The following TRAF3 variants were observed in gnomAD, a reference collection of about 807,000 sequenced individuals.
TRAF3 encodes TNF receptor associated factor 3.
In TRAF3, 13 loss-of-function variants were observed where a neutral mutation model predicts 62.3. That is an observed-to-expected ratio of 0.21 (90% CI 0.14 to 0.33). The LOEUF (loss-of-function observed/expected upper bound fraction) is 0.33, where lower values mean the gene tolerates loss of function less well. Ranked by LOEUF, TRAF3 falls within the 10% of genes least tolerant of loss-of-function variation. TRAF3 has a pLI of 1.00. For synonymous variants in TRAF3, 269 were observed against 283.4 expected (o/e 0.95, Z 0.51); for missense variants, 440 against 741.8 (o/e 0.59, Z 4.73).
rs377561001 is a variant in TRAF3, at chr14:102,787,712, C to T, written c.-157+10037C>T. Among the ~76,000 whole-genome samples, 45 of 151,686 alleles carry T rather than the reference C, an allele frequency of 3.0e-4. No individual in the cohort carries two copies. In the East Asian group the frequency reaches 3.1e-3, roughly 10 times the overall value. On this transcript the variant is annotated intron_variant, in intron 1 of 11. Coordinates refer to ENST00000392745, the MANE Select transcript of TRAF3 (RefSeq NM_145725.3). ...AACAACAAAAACAACAACAACACTT[C>T]GATTTATTCAGGCCTCTGTTCACAT...
At chr14:102,865,933 A>G (rs1280554543) in intron 2 of TRAF3, 1 of 152,282 alleles carries the variant, frequency 6.6e-6, no homozygotes, top group Non-Finnish European at 1.5e-5. Flanking sequence ...CAAGGATGAC[A>G]TGCAAATTCA....
intron 2 of TRAF3, among the ~76,000 whole-genome samples, chr14:102,868,074 C>G (rs1225645400): frequency 6.6e-6 from 1 of 152,192 alleles, no homozygotes; most frequent in Non-Finnish European, 1.5e-5. Context: ...GCAACTACCT[C>G]CCCAGGATGC....
intron 2 of TRAF3, among the ~76,000 whole-genome samples, chr14:102,864,154 T>C (rs1595372985): frequency 2.0e-5 from 3 of 150,208 alleles, no homozygotes; most frequent in African/African-American, 2.5e-5. Context: ...TTTCTTTTTT[T>C]TTTTTTTTTT....
chr14:102,845,996 A>C (rs1278713775), intron 2 of TRAF3, among the ~76,000 whole-genome samples: 276 of 148,940 alleles, frequency 1.9e-3, no homozygotes, highest in African/African-American at 6.6e-3. Context: ...AAAAAAAAAA[A>C]AAAAAAAAAA....
intron 1 of TRAF3, among the ~76,000 whole-genome samples, chr14:102,813,709 C>T (rs537875930): frequency 6.5e-4 from 99 of 152,230 alleles, no homozygotes; most frequent in African/African-American, 2.3e-3. Context: ...CCTCGGCCTC[C>T]CAAAGTGCCA....
At chr14:102,884,949 G>A (rs574081324) in intron 6 of TRAF3, among the ~76,000 whole-genome samples, 7 of 152,230 alleles carry the variant, frequency 4.6e-5, no homozygotes, top group African/African-American at 1.7e-4. Flanking sequence ...ATGTGGAAAC[G>A]TGCATCCCCT....
At chr14:102,891,221 T>C in intron 8 of TRAF3, 104 bp from the exon 9 acceptor site, 1 of 1,061,698 alleles carries the variant, frequency 9.4e-7, no homozygotes. Flanking sequence ...CAAATAGGTC[T>C]CCCCTCTTTG....
At chr14:102,824,577 CT>C (rs1176169520) in intron 1 of TRAF3, among the ~76,000 whole-genome samples, 2 of 152,198 alleles carry the variant, frequency 1.3e-5, no homozygotes, top group African/African-American at 4.8e-5. Context: ...ACTGAGTTGC[CT>C]GTTTTTGAAG....
rs754876308 is a variant in TRAF3, at chr14:102,891,430, C to G, written c.819+13C>G. Reference sequence around the variant, plus strand: ...GCTCGAAAAGAAGGTGGGCTGCACACTTTCCTGCTGCTATGGGATTTGTAT... The same window carrying G: ...GCTCGAAAAGAAGGTGGGCTGCACAGTTTCCTGCTGCTATGGGATTTGTAT... On this transcript the variant is annotated intron_variant, in intron 9 of 11. Transcript: ENST00000392745. The G allele has an allele frequency of 1.2e-6, 2 of 1,605,240 alleles. No homozygotes were observed. The highest frequency in any genetic ancestry group is 2.3e-5 in the East Asian group (1 of 44,442).
intron 2 of TRAF3, among the ~76,000 whole-genome samples, chr14:102,844,221 T>C (rs1180206986): frequency 1.3e-5 from 2 of 152,242 alleles, no homozygotes; most frequent in Non-Finnish European, 2.9e-5. Flanking sequence ...AGTATGTGAT[T>C]GTATCAATGA....
chr14:102,890,516 G>C (rs1659327210), intron 8 of TRAF3, among the ~76,000 whole-genome samples: 1 of 152,058 alleles, frequency 6.6e-6, no homozygotes, highest in African/African-American at 2.4e-5. Flanking sequence ...CATTCTCTCT[G>C]TGTATGTGTA....
At chr14:102,804,898 ATCTT>A (rs1229463955) in intron 1 of TRAF3, among the ~76,000 whole-genome samples, 1 of 152,190 alleles carries the variant, frequency 6.6e-6, no homozygotes, top group African/African-American at 2.4e-5. Flanking sequence ...ACTTCTAAAA[ATCTT>A]TCTGTGCACC....
At chr14:102,797,986 C>T (rs7145284) in intron 1 of TRAF3, among the ~76,000 whole-genome samples, 30,591 of 152,024 alleles carry the variant, frequency 0.2, 3,395 homozygotes, top group East Asian at 0.38. Flanking sequence ...ATCTACCTGC[C>T]TCGGCCTCTC....
At chr14:102,799,677 T>C (rs1347087871) in intron 1 of TRAF3, among the ~76,000 whole-genome samples, 1 of 152,186 alleles carries the variant, frequency 6.6e-6, no homozygotes, top group Admixed American at 6.5e-5. Context: ...TCTTGAACTC[T>C]TGCCCTCAAA....
In TRAF3 at chr14:102,907,973, C is replaced by T. The variant is rs1302203102; in HGVS notation, c.*2189C>T. The stretch of plus-strand genomic sequence containing the variant: ...CCTCGAAGGTGTCCCCCACCTGAGG[C>T]CTGTCCCCTACCTGCCCTCAGGTAG... On this transcript the variant is annotated 3_prime_UTR_variant, in exon 12 of 12. Coordinates refer to ENST00000392745, the MANE Select transcript of TRAF3 (RefSeq NM_145725.3). The T allele has an allele frequency of 6.6e-6, 1 of 152,234 alleles. No homozygotes were observed. The highest frequency in any genetic ancestry group is 1.5e-5 in the Non-Finnish European group (1 of 68,028). 9.4% of individuals were successfully genotyped at this position (152,234 alleles called of 1,614,324 possible). A position where few individuals can be genotyped will look rare whatever the true frequency, so the allele number is the denominator to read the frequency against.
intron 11 of TRAF3, among the ~76,000 whole-genome samples, chr14:102,904,626 C>T (rs530946799): frequency 2.2e-3 from 335 of 151,612 alleles, no homozygotes; most frequent in African/African-American, 7.7e-3. Context: ...CTGGCTAACA[C>T]GGTGAAACCC....
At chr14:102,881,868 C>T (rs1889089709) in intron 6 of TRAF3, among the ~76,000 whole-genome samples, 2 of 152,142 alleles carry the variant, frequency 1.3e-5, no homozygotes, top group Admixed American at 1.3e-4. Flanking sequence ...GTCTGTTAAA[C>T]ACCATATAAG....
chr14:102,822,688 A>C (rs1202835909), intron 1 of TRAF3, among the ~76,000 whole-genome samples: 1 of 152,212 alleles, frequency 6.6e-6, no homozygotes, highest in African/African-American at 2.4e-5. Context: ...GTGAGTCGAC[A>C]TGATTCTCTT....
chr14:102,902,831 C>T (rs1019752146), intron 10 of TRAF3, among the ~76,000 whole-genome samples: 6 of 152,156 alleles, frequency 3.9e-5, no homozygotes, highest in South Asian at 2.1e-4. Context: ...GGCGGGCAGG[C>T]GGCACCAGTG....
Sources: allele counts gnomAD v4.1 joint callset (sites outside exome capture counted in the v4.1 genomes callset), GRCh38; gene constraint gnomAD v4.1.1; transcripts MANE v1.5; gene names NCBI Gene and HGNC (gene_info 2026-07-23, HGNC 2026-07-21).